CYB5A: variants seen among roughly 807,000 people sequenced by gnomAD.
CYB5A encodes cytochrome b5 type A.
In CYB5A, 10 loss-of-function variants were observed where a neutral mutation model predicts 16.2. That is an observed-to-expected ratio of 0.62 (90% confidence interval 0.38 to 1.04). The LOEUF (loss-of-function observed/expected upper bound fraction) is 1.04. Ranked by LOEUF, CYB5A falls within the 50% of genes least tolerant of loss-of-function variation. The pLI is 0.01. For missense variants in CYB5A, 161 were observed against 165.9 expected (o/e 0.97, Z 0.16); for synonymous variants, 62 against 57.0 (o/e 1.09, Z -0.40).
intron 1 of CYB5A, among the ~76,000 whole-genome samples, chr18:74,281,819 A>G (rs1441688840): frequency 8.3e-5 from 11 of 131,916 alleles, no homozygotes; most frequent in Admixed American, 3.6e-4. Context: ...GCAGGAGAGG[A>G]GGGTGTGTGT....
Position 74,286,048 on chromosome 18 carries a change from A to G in CYB5A, c.129+5699T>C, listed in dbSNP as rs549216746. Among the ~76,000 whole-genome samples the G allele has an allele frequency of 7.9e-5, 12 of 152,184 alleles. 1 individual carries two copies. In the East Asian group the frequency reaches 2.1e-3, roughly 27 times the overall value. On this transcript the variant is annotated intron_variant, in intron 1 of 4. Coordinates refer to ENST00000340533, the MANE Select transcript of CYB5A (RefSeq NM_148923.4). ...TGAAATTCAGGACTGGTCCCTCAAC[A>G]CCTAGTTTAGTGGGGAAAAAGGGAG...
intron 1 of CYB5A, among the ~76,000 whole-genome samples, chr18:74,269,078 A>G (rs1248255327): frequency 6.6e-6 from 1 of 152,210 alleles, no homozygotes; most frequent in Non-Finnish European, 1.5e-5. Context: ...AGGTCGGCAC[A>G]GTCTAAATTC....
rs1210758947 is a variant in CYB5A, at chr18:74,268,850, G to A, written c.130-5373C>T. The stretch of plus-strand genomic sequence containing the variant: ...AACCACTTACTGGAACTCACTCATC[G>A]TGCCCACATATCTTGTAGCTCCTAA... On this transcript the variant is annotated intron_variant, in intron 1 of 4. Coordinates refer to ENST00000340533, the MANE Select transcript of CYB5A (RefSeq NM_148923.4). Among the ~76,000 whole-genome samples the A allele has an allele frequency of 3.3e-5, 5 of 152,260 alleles. No individual in the cohort carries two copies. In the East Asian group the frequency reaches 7.7e-4, roughly 24 times the overall value.
chr18:74,256,125 A>G (rs540249641), intron 3 of CYB5A: 1 of 214,734 alleles, frequency 4.7e-6, no homozygotes, highest in African/African-American at 2.3e-5. Context: ...CGTCACCTTT[A>G]GAAAAAGCAG....
chr18:74,274,169 T>TA (rs1982778672), intron 1 of CYB5A, among the ~76,000 whole-genome samples: 2 of 152,248 alleles, frequency 1.3e-5, no homozygotes, highest in Non-Finnish European at 2.9e-5. Flanking sequence ...AGTGCGAATA[T>TA]GTCACAGTCA....
Position 74,253,463 on chromosome 18 carries a change from A to G in CYB5A, c.*121T>C. 1.5e-6 allele frequency: 1 copy of G among 671,630 alleles called. No homozygotes were observed. The highest frequency in any genetic ancestry group is 2.7e-6 in the Non-Finnish European group (1 of 368,568). The allele number at this position is 671,630 out of a possible 1,614,324, so 41.6% of individuals were successfully genotyped here. ...GTTTCTAATGTCGGAAGAAAAAGAA[A>G]GAGATATATTAAAATCATTGTTTTC... On this transcript the variant is annotated 3_prime_UTR_variant, in exon 5 of 5. Coordinates refer to ENST00000340533, the MANE Select transcript of CYB5A (RefSeq NM_148923.4).
At position 74,260,897 on chromosome 18, in the gene CYB5A, T is replaced by A; in HGVS notation, c.288+18A>T. ...TACAACGAGAACATCCAGAGATACT[T>A]GAGATGGTCACACTTACCGGAGGCT... On this transcript the variant is annotated intron_variant, in intron 3 of 4. Transcript: ENST00000340533. 1.3e-6 allele frequency: 2 copies of A among 1,583,844 alleles called. No individual in the cohort carries two copies. Among genetic ancestry groups the A allele is most frequent in the Non-Finnish European group, 1.7e-6 (2 of 1,152,548 alleles).
At chr18:74,274,372 T>C (rs1982786322) in intron 1 of CYB5A, among the ~76,000 whole-genome samples, 1 of 152,268 alleles carries the variant, frequency 6.6e-6, no homozygotes, top group African/African-American at 2.4e-5. Context: ...AAGAAAATTC[T>C]ATTTTCTACT....
chr18:74,284,252 A>AAGAG (rs60738296), intron 1 of CYB5A, among the ~76,000 whole-genome samples: 1 of 147,364 alleles, frequency 6.8e-6, no homozygotes, highest in Non-Finnish European at 1.5e-5. Context: ...AAAAAAAAAA[A>AAGAG]AGAGAGATTA....
Position 74,257,729 on chromosome 18 carries a change from C to T in CYB5A, c.289-1954G>A, listed in dbSNP as rs189629570. On this transcript the variant is annotated intron_variant, in intron 3 of 4. Coordinates refer to ENST00000340533, the MANE Select transcript of CYB5A (RefSeq NM_148923.4). Reference sequence around the variant, plus strand: ...TCCAGCAGTTCGAGACCAGTCTGGGCAACATGGTGAAACCCTGTCTCTACA... The same window carrying T: ...TCCAGCAGTTCGAGACCAGTCTGGGTAACATGGTGAAACCCTGTCTCTACA... The T allele has an allele frequency of 4.9e-3, 742 of 152,400 alleles. 4 individuals are homozygous for T. Among genetic ancestry groups the T allele is most frequent in the South Asian group, 0.015 (73 of 4,820 alleles). 9.4% of individuals were successfully genotyped at this position (152,400 alleles called of 1,614,324 possible). A position where few individuals can be genotyped will look rare whatever the true frequency, so the allele number is the denominator to read the frequency against.
chr18:74,261,449 G>A (rs1329939210), intron 2 of CYB5A: 2 of 181,902 alleles, frequency 1.1e-5, no homozygotes, highest in South Asian at 1.2e-4. Context: ...CAGTGGGCAG[G>A]TGAAGCAGAA....
At chr18:74,257,621 A>T (rs1427253221) in intron 3 of CYB5A, 1 of 152,272 alleles carries the variant, frequency 6.6e-6, no homozygotes, top group Non-Finnish European at 1.5e-5. Context: ...TAACAATTAA[A>T]TCAGTGTGTC....
At chr18:74,267,567 C>T (rs1474029231) in intron 1 of CYB5A, among the ~76,000 whole-genome samples, 8 of 152,136 alleles carry the variant, frequency 5.3e-5, no homozygotes, top group Admixed American at 2.0e-4. Context: ...CGTGTGGCAG[C>T]GGTGTTATGT....
At chr18:74,286,199 T>C (rs1983314473) in intron 1 of CYB5A, among the ~76,000 whole-genome samples, 1 of 152,242 alleles carries the variant, frequency 6.6e-6, no homozygotes, top group Admixed American at 6.5e-5. Context: ...TCCAGGCAGC[T>C]TTGAGTTTCT....
intron 1 of CYB5A, among the ~76,000 whole-genome samples, chr18:74,285,281 G>T (rs72963819): frequency 0.15 from 22,986 of 152,178 alleles, 1,877 homozygotes; most frequent in Admixed American, 0.2. Context: ...CTCTGAGCCT[G>T]CTACTCAGTT....
chr18:74,255,671 CGCACCTT>C, intron 4 of CYB5A, 63 bp downstream of exon 4: 1 of 1,290,088 alleles, frequency 7.8e-7, no homozygotes. Context: ...AGGTGGGGGA[CGCACCTT>C]GTCCAACCTG....
At chr18:74,281,743 C>CTGTGTGTG (rs112934460) in intron 1 of CYB5A, among the ~76,000 whole-genome samples, 2,024 of 138,792 alleles carry the variant, frequency 0.015, 62 homozygotes, top group African/African-American at 0.05. Flanking sequence ...TCAAGGGAGG[C>CTGTGTGTG]TGTGTGTGTG....
At position 74,253,430 on chromosome 18, in the gene CYB5A, T is replaced by C; in HGVS notation, c.*154A>G. On this transcript the variant is annotated 3_prime_UTR_variant, in exon 5 of 5. Transcript: ENST00000340533. ...TTTGAGCGCAGAAAGGACAGTTCTT[T>C]TTGTTTTGTTTCTAATGTCGGAAGA... 1 of 598,246 alleles carries C rather than the reference T, an allele frequency of 1.7e-6. No homozygotes were observed. 37.1% of individuals were successfully genotyped at this position (598,246 alleles called of 1,614,324 possible).
At chr18:74,289,550 T>C (rs1188899435) in intron 1 of CYB5A, among the ~76,000 whole-genome samples, 1 of 151,840 alleles carries the variant, frequency 6.6e-6, no homozygotes, top group Admixed American at 6.6e-5. Context: ...CTAAGGTGGG[T>C]GGATCACCTG....
Sources: gnomAD v4.1 joint callset for allele counts (sites outside exome capture counted in the v4.1 genomes callset) on GRCh38, gnomAD v4.1.1 for gene constraint, MANE v1.5 for transcripts, NCBI Gene and HGNC (gene_info 2026-07-23, HGNC 2026-07-21) for gene names.